PIK3R6: variants seen among roughly 807,000 people sequenced by gnomAD.
PIK3R6 encodes phosphoinositide-3-kinase regulatory subunit 6.
A neutral mutation model predicts 84.9 loss-of-function variants in PIK3R6; 91 were observed. The observed-to-expected ratio is 1.07, with a 90% CI of 0.90 to 1.28. PIK3R6 has a LOEUF of 1.28. PIK3R6 is among the 50% of genes most tolerant of loss of function. PIK3R6 has a pLI of 0.00. For missense variants in PIK3R6, 996 were observed against 985.1 expected (o/e 1.01, Z -0.15); for synonymous variants, 416 against 411.4 (o/e 1.01, Z -0.13).
chr17:8,814,007 A>G (rs1302647223), intron 18 of PIK3R6, among the ~76,000 whole-genome samples: 2 of 151,940 alleles, frequency 1.3e-5, no homozygotes, highest in African/African-American at 4.8e-5. Context: ...AGGCTTACCC[A>G]CCCCTCATCC....
rs769496419 is a variant in PIK3R6 at position 8,836,583 on chromosome 17, T to C, written c.425A>G (p.Gln142Arg). 2 of 1,614,024 alleles carry C rather than the reference T, an allele frequency of 1.2e-6. No individual in the cohort carries two copies. The highest frequency in any genetic ancestry group is 1.7e-6 in the Non-Finnish European group (2 of 1,179,902). ...TLYQRMVIAE[Q>R]NLTNELYPYQ... ...GGGATACAGCTCATTCGTCAAGTTC[T>C]GTTCGGCAATGACCATCCTTTGGTA... Residue 142 changes from glutamine (Q) to arginine (R), a missense_variant, in exon 7 of 20, where the codon CAG becomes CGG. Transcript: ENST00000619866.
intron 12 of PIK3R6, 138 bp downstream of exon 12, chr17:8,827,974 C>T (rs1181668594): frequency 4.6e-6 from 4 of 867,060 alleles, no homozygotes; most frequent in Non-Finnish European, 5.3e-6. Context: ...GACCGCTGAC[C>T]TCTCTCCCGC....
intron 2 of PIK3R6, among the ~76,000 whole-genome samples, chr17:8,848,528 T>C (rs1019823193): frequency 1.3e-5 from 2 of 152,116 alleles, no homozygotes; most frequent in Non-Finnish European, 2.9e-5. Context: ...CACTGAGTAC[T>C]GTAGGCAGTT....
chr17:8,829,445 GAC>G (rs974329542), intron 10 of PIK3R6, among the ~76,000 whole-genome samples: 13 of 126,626 alleles, frequency 1.0e-4, no homozygotes, highest in East Asian at 2.4e-4. Context: ...TACACACACT[GAC>G]ACGCATCCAC....
intron 15 of PIK3R6, among the ~76,000 whole-genome samples, 161 bp downstream of exon 15, chr17:8,822,835 G>A (rs1181329540): frequency 6.6e-6 from 1 of 152,186 alleles, no homozygotes; most frequent in Non-Finnish European, 1.5e-5. Context: ...GGGTTGGAGG[G>A]GATCAAGAGC....
intron 18 of PIK3R6, among the ~76,000 whole-genome samples, chr17:8,814,213 A>ATTTTTTTTT (rs528042541): frequency 1.3e-5 from 1 of 76,404 alleles, no homozygotes; most frequent in African/African-American, 6.4e-5. Context: ...TCAGAGAGAG[A>ATTTTTTTTT]TCTTTTTTTT....
chr17:8,824,873 A>G (rs2087867467), intron 13 of PIK3R6, among the ~76,000 whole-genome samples: 1 of 152,242 alleles, frequency 6.6e-6, no homozygotes, highest in African/African-American at 2.4e-5. Context: ...CGAATAAAAT[A>G]TGTAAGAAGA....
chr17:8,840,168 T>A (rs984362083), intron 2 of PIK3R6, among the ~76,000 whole-genome samples: 2 of 96,776 alleles, frequency 2.1e-5, no homozygotes, highest in African/African-American at 8.1e-5. Context: ...ATATGAAATA[T>A]AGCCTCCAAA....
intron 5 of PIK3R6, 150 bp from the exon 6 acceptor site, chr17:8,837,073 C>G (rs2088498282): frequency 1.5e-6 from 1 of 646,504 alleles, no homozygotes; most frequent in Non-Finnish European, 2.7e-6. Flanking sequence ...GGGCTCACAG[C>G]TCTCTCCCAA....
intron 2 of PIK3R6, among the ~76,000 whole-genome samples, chr17:8,843,718 C>T (rs149523748): frequency 3.3e-5 from 5 of 152,124 alleles, no homozygotes; most frequent in Non-Finnish European, 7.4e-5. Flanking sequence ...TGGCATCTCT[C>T]GAAAATCTGA....
At chr17:8,822,172 G>A (rs1181412166) in intron 16 of PIK3R6, among the ~76,000 whole-genome samples, 1 of 151,428 alleles carries the variant, frequency 6.6e-6, no homozygotes, top group Non-Finnish European at 1.5e-5. Flanking sequence ...TTACAGGCAT[G>A]AGCCACGGTG....
chr17:8,854,856 A>C (rs1266557320), intron 1 of PIK3R6, among the ~76,000 whole-genome samples: 2 of 152,242 alleles, frequency 1.3e-5, no homozygotes, highest in African/African-American at 4.8e-5. Context: ...ATTAGACTTC[A>C]TCAAAATTTA....
At chr17:8,807,234 C>T (rs545742048) in intron 18 of PIK3R6, among the ~76,000 whole-genome samples, 19 of 152,288 alleles carry the variant, frequency 1.2e-4, no homozygotes, top group African/African-American at 2.2e-4. Flanking sequence ...CCTCAGAAAG[C>T]GTCAGCTTCC....
chr17:8,833,019 G>A lies in PIK3R6; in HGVS notation c.672C>T (p.His224=). 1 of 1,605,910 alleles carries A rather than the reference G, an allele frequency of 6.2e-7. No homozygotes were observed. Among genetic ancestry groups the A allele is most frequent in the Non-Finnish European group, 8.5e-7 (1 of 1,177,986 alleles). ...AGGCGGCCACCACGGCGTGGAAATA[G>A]TGCTCCAGGGTGCGGCGAGGGCTGG... ...LQASPRRTLE[H]YFHAVVAALE... Residue 224 remains histidine, a synonymous_variant, in exon 9 of 20, where the codon CAC becomes CAT. Transcript: ENST00000619866.
intron 8 of PIK3R6, among the ~76,000 whole-genome samples, chr17:8,833,805 G>T (rs2088348395): frequency 6.6e-6 from 1 of 151,974 alleles, no homozygotes; most frequent in Non-Finnish European, 1.5e-5. Context: ...CTCCCAAAGT[G>T]TTGGGATTAC....
intron 18 of PIK3R6, among the ~76,000 whole-genome samples, chr17:8,817,697 A>G (rs2087587472): frequency 6.6e-6 from 1 of 152,200 alleles, no homozygotes; most frequent in South Asian, 2.1e-4. Context: ...AGATAAAGAA[A>G]TATAAGGGCT....
intron 18 of PIK3R6, 33 bp from the exon 19 acceptor site, chr17:8,804,186 C>T: frequency 6.4e-7 from 1 of 1,574,590 alleles, no homozygotes; most frequent in East Asian, 2.2e-5. Context: ...GTGAGTGTTG[C>T]CTTTGCTCGA....
chr17:8,831,328 TAAAAAAAA>T (rs60650147), intron 9 of PIK3R6, among the ~76,000 whole-genome samples: 6 of 33,076 alleles, frequency 1.8e-4, no homozygotes, highest in Non-Finnish European at 2.5e-4. Context: ...AGACCCTGTC[TAAAAAAAA>T]AAAAAAAAAA....
intron 8 of PIK3R6, among the ~76,000 whole-genome samples, chr17:8,833,374 C>T (rs1428638657): frequency 1.3e-5 from 2 of 152,200 alleles, no homozygotes; most frequent in African/African-American, 4.8e-5. Flanking sequence ...CTAGCCCCCA[C>T]TAGATTGTGA....
Sources: gnomAD v4.1 joint callset for allele counts (sites outside exome capture counted in the v4.1 genomes callset) on GRCh38, gnomAD v4.1.1 for gene constraint, MANE v1.5 for transcripts, NCBI Gene and HGNC (gene_info 2026-07-23, HGNC 2026-07-21) for gene names.